The following PGR variants were observed in gnomAD, a reference collection of about 807,000 sequenced individuals.
PGR encodes the protein nuclear receptor subfamily 3 group C member 3.
In PGR, 25 loss-of-function variants were observed where a neutral mutation model predicts 76.1. That is an observed-to-expected ratio of 0.33 (90% CI 0.24 to 0.46). PGR has a LOEUF of 0.46. Ranked by LOEUF, PGR falls within the 20% of genes least tolerant of loss-of-function variation. The probability of loss-of-function intolerance (pLI) is 1.00; values close to 1 mark genes in which losing one functional copy is unlikely to be tolerated. For missense variants in PGR, 1,172 were observed against 1,225.3 expected (o/e 0.96, Z 0.65); for synonymous variants, 579 against 535.0 (o/e 1.08, Z -1.14).
In PGR at chr11:101,127,284, C is replaced by A. The variant is rs944815235; in HGVS notation, c.1637+150G>T. ...GAGGGAAGAAGAAGGGAGGCAACTG[C>A]CCCTGTGCTGTGTCCCGCTGCCCAC... On this transcript the variant is annotated intron_variant, in intron 1 of 7. Transcript: ENST00000325455. The A allele has an allele frequency of 1.0e-5, 5 of 498,220 alleles. No homozygotes were observed. In the African/African-American group the frequency reaches 1.0e-4, roughly 10 times the overall value. The allele number at this position is 498,220 out of a possible 1,614,324, so 30.9% of individuals were successfully genotyped here.
rs1870019 is a variant in PGR at position 101,030,742 on chromosome 11, A to G, written c.*8374T>C. On this transcript the variant is annotated 3_prime_UTR_variant, in exon 8 of 8. Coordinates refer to ENST00000325455, the MANE Select transcript of PGR (RefSeq NM_000926.4). ...AGATTAGGGCTTTCTCAAGCGAAAA[A>G]CATGGTCTAAATCTCAAAGGTATCC... is the stretch of plus-strand genomic sequence containing the variant. The G allele has an allele frequency of 0.22, 46,159 of 205,830 alleles. 6,382 individuals are homozygous for G. Among genetic ancestry groups the G allele is most frequent in the Non-Finnish European group, 0.31 (30,877 of 100,564 alleles). 12.8% of individuals were successfully genotyped at this position (205,830 alleles called of 1,614,324 possible).
intron 4 of PGR, among the ~76,000 whole-genome samples, chr11:101,060,663 C>A (rs891665884): frequency 6.6e-6 from 1 of 152,258 alleles, no homozygotes; most frequent in African/African-American, 2.4e-5. Flanking sequence ...TCCCAAAATG[C>A]AGACCATGAA....
intron 2 of PGR, among the ~76,000 whole-genome samples, chr11:101,104,963 ATGGAAGC>A (rs11571164): frequency 7.9e-5 from 12 of 152,304 alleles, no homozygotes; most frequent in South Asian, 4.1e-4. Context: ...CAGGATACTC[ATGGAAGC>A]TGGAAGCTGG....
chr11:101,084,469 C>T (rs189397940), intron 3 of PGR, among the ~76,000 whole-genome samples: 6 of 152,056 alleles, frequency 3.9e-5, no homozygotes, highest in Admixed American at 3.9e-4. Context: ...ACCAGCCTGA[C>T]CAACAAGGTA....
intron 3 of PGR, among the ~76,000 whole-genome samples, chr11:101,080,521 G>T (rs1427659539): frequency 6.6e-6 from 1 of 151,850 alleles, no homozygotes; most frequent in East Asian, 1.9e-4. Context: ...AAAATTTGAA[G>T]TGCCAATGTC....
intron 3 of PGR, among the ~76,000 whole-genome samples, chr11:101,074,175 C>G (rs189475913): frequency 3.3e-5 from 5 of 152,058 alleles, no homozygotes; most frequent in African/African-American, 1.2e-4. Flanking sequence ...GATCAACATA[C>G]GCACATTAAT....
intron 3 of PGR, among the ~76,000 whole-genome samples, chr11:101,089,891 T>C (rs982479918): frequency 6.6e-6 from 1 of 152,096 alleles, no homozygotes; most frequent in African/African-American, 2.4e-5. Flanking sequence ...GATAAAGGAT[T>C]ACAGATGCTT....
At position 101,032,636 on chromosome 11, in the gene PGR, A is replaced by T. The variant is rs561094143; in HGVS notation, c.*6480T>A. 1 of 223,090 alleles carries T rather than the reference A, an allele frequency of 4.5e-6. No homozygotes were observed. Among genetic ancestry groups the T allele is most frequent in the African/African-American group, 2.2e-5 (1 of 44,940 alleles). 13.8% of individuals were successfully genotyped at this position (223,090 alleles called of 1,614,324 possible). ...CCACGCACGTTCTGCTAATTCCTAA[A>T]CTGCTTATAGATTGTGGCTTAGCTT... On this transcript the variant is annotated 3_prime_UTR_variant, in exon 8 of 8. Coordinates refer to ENST00000325455, the MANE Select transcript of PGR (RefSeq NM_000926.4).
rs1450269762 is a variant in PGR, at chr11:101,128,655, G to A, written c.416C>T (p.Ser139Phe). Residue 139 changes from serine (S) to phenylalanine (F), a missense_variant, in exon 1 of 8, where the codon TCT (serine) becomes TTT (phenylalanine). Physicochemically the swap from Ser to Phe is radical, Grantham distance 155 (BLOSUM62 -2). Coordinates refer to ENST00000325455, the MANE Select transcript of PGR (RefSeq NM_000926.4). ...PSPPACEVTS[S>F]WCLFGPELPE... ...AAGTTCGGGGCCAAACAGGCACCAAGAGCTGGTGACCTCGCAGGCGGGAGG... is the reference window on the plus strand; with the variant it reads ...AAGTTCGGGGCCAAACAGGCACCAAAAGCTGGTGACCTCGCAGGCGGGAGG... 2 of 1,593,498 alleles carry A rather than the reference G, an allele frequency of 1.3e-6. No individual in the cohort carries two copies. Among genetic ancestry groups the A allele is most frequent in the Admixed American group, 1.8e-5 (1 of 57,030 alleles).
chr11:101,068,407 AG>A (rs1410658110), intron 3 of PGR, among the ~76,000 whole-genome samples: 1 of 152,220 alleles, frequency 6.6e-6, no homozygotes, highest in Admixed American at 6.5e-5. Context: ...ATTCATAGAT[AG>A]GAAGAATGTA....
At chr11:101,082,122 C>G (rs1249415598) in intron 3 of PGR, among the ~76,000 whole-genome samples, 2 of 149,204 alleles carry the variant, frequency 1.3e-5, no homozygotes, top group East Asian at 1.9e-4. Flanking sequence ...CACTTCCCCT[C>G]TCACTCTCTC....
At chr11:101,093,320 T>A (rs536679593) in intron 2 of PGR, among the ~76,000 whole-genome samples, 4 of 152,150 alleles carry the variant, frequency 2.6e-5, no homozygotes, top group Non-Finnish European at 5.9e-5. Context: ...TAATTTTTTT[T>A]TTTTTTACCA....
In PGR at chr11:101,037,709, G is replaced by A. The variant is rs1859556254; in HGVS notation, c.*1407C>T. 4.4e-6 allele frequency: 1 copy of A among 226,448 alleles called. No homozygotes were observed. The highest frequency in any genetic ancestry group is 8.8e-6 in the Non-Finnish European group (1 of 113,760). The allele number at this position is 226,448 out of a possible 1,614,324, so 14.0% of individuals were successfully genotyped here. ...AGGTGGAAAATTTAAAAGTAATGAA[G>A]ATAATTGATGGAGATAAAGCATGGG... On this transcript the variant is annotated 3_prime_UTR_variant, in exon 8 of 8. Transcript: ENST00000325455.
intron 3 of PGR, among the ~76,000 whole-genome samples, chr11:101,073,082 C>T (rs1215920088): frequency 1.3e-5 from 2 of 152,288 alleles, no homozygotes; most frequent in African/African-American, 4.8e-5. Context: ...AAGTAAAACA[C>T]TCCTCAGCAA....
chr11:101,066,939 T>C (rs1860740044), intron 3 of PGR, among the ~76,000 whole-genome samples: 1 of 152,228 alleles, frequency 6.6e-6, no homozygotes, highest in African/African-American at 2.4e-5. Flanking sequence ...GACTATTTTC[T>C]ATACAACTTT....
intron 1 of PGR, 45 bp downstream of exon 1, chr11:101,127,389 C>G (rs1415495144): frequency 5.6e-6 from 8 of 1,436,502 alleles, no homozygotes; most frequent in East Asian, 2.8e-5. Context: ...CCAACGGAAC[C>G]GCTACTCCCG....
intron 3 of PGR, among the ~76,000 whole-genome samples, chr11:101,072,289 T>C (rs1860965924): frequency 3.9e-5 from 6 of 152,070 alleles, no homozygotes; most frequent in Admixed American, 3.9e-4. Flanking sequence ...AGAGATTTTG[T>C]CACCACGAGG....
intron 4 of PGR, among the ~76,000 whole-genome samples, chr11:101,052,999 T>C (rs557619682): frequency 6.6e-6 from 1 of 152,212 alleles, no homozygotes; most frequent in Admixed American, 6.6e-5. Context: ...TATGGGGAGA[T>C]ATATGGGCTA....
chr11:101,061,538 C>T (rs1202516041), intron 4 of PGR, among the ~76,000 whole-genome samples: 3 of 151,976 alleles, frequency 2.0e-5, no homozygotes, highest in Non-Finnish European at 4.4e-5. Context: ...TCTAAAAGTG[C>T]CATTGAATTT....
Sources: allele counts gnomAD v4.1 joint callset (sites outside exome capture counted in the v4.1 genomes callset), GRCh38; gene constraint gnomAD v4.1.1; transcripts MANE v1.5; gene names NCBI Gene and HGNC (gene_info 2026-07-23, HGNC 2026-07-21).